The following CRELD1 variants were observed in gnomAD, a reference collection of about 807,000 sequenced individuals.
The protein encoded by CRELD1 is protein disulfide isomerase CRELD1.
In CRELD1, 42 loss-of-function variants were observed where a neutral mutation model predicts 58.2. The observed-to-expected ratio is 0.72, with a 90% CI of 0.56 to 0.93. The LOEUF (loss-of-function observed/expected upper bound fraction) is 0.93. CRELD1 is among the 40% of genes least tolerant of loss of function. The pLI is 0.00. For synonymous variants in CRELD1, 222 were observed against 202.0 expected (o/e 1.10, Z -0.84); for missense variants, 500 against 540.6 (o/e 0.92, Z 0.74).
At position 9,941,654 on chromosome 3, in the gene CRELD1, G is replaced by A. The variant is rs1365234405; in HGVS notation, c.733+448G>A. On this transcript the variant is annotated intron_variant, in intron 7 of 10. Coordinates refer to ENST00000452070, the MANE Select transcript of CRELD1 (RefSeq NM_001077415.3). ...AAATACAAAAAATTAGCTGGGCGTGGTGGCGGGTGCCTGTAGTCCCAGCTA... is the reference window on the plus strand; with the variant it reads ...AAATACAAAAAATTAGCTGGGCGTGATGGCGGGTGCCTGTAGTCCCAGCTA... Among the ~76,000 whole-genome samples, 3 of 152,106 alleles carry A rather than the reference G, an allele frequency of 2.0e-5. No homozygotes were observed. In the East Asian group the frequency reaches 5.8e-4, roughly 29 times the overall value.
rs529411477 is a variant in CRELD1, at chr3:9,939,998, C to T, written c.461-852C>T. On this transcript the variant is annotated intron_variant, in intron 5 of 10. Transcript: ENST00000452070. Reference sequence around the variant, plus strand: ...ACCTCCCTCCCGGACGGGCTGGCTGCCCGGCGGAGACACTTCTCACTTCCC... The same window carrying T: ...ACCTCCCTCCCGGACGGGCTGGCTGTCCGGCGGAGACACTTCTCACTTCCC... Among the ~76,000 whole-genome samples the T allele has an allele frequency of 7.5e-4, 114 of 151,700 alleles. 1 individual carries two copies. Among genetic ancestry groups the T allele is most frequent in the Non-Finnish European group, 1.2e-4 (8 of 67,934 alleles).
chr3:9,938,764 G>T (rs2085265956), intron 5 of CRELD1, among the ~76,000 whole-genome samples: 1 of 152,098 alleles, frequency 6.6e-6, no homozygotes, highest in African/African-American at 2.4e-5. Flanking sequence ...GGAGGCTGAG[G>T]CAGAAGAATG....
chr3:9,939,860 A>G (rs1307056278), intron 5 of CRELD1, among the ~76,000 whole-genome samples: 5 of 152,248 alleles, frequency 3.3e-5, no homozygotes, highest in African/African-American at 4.8e-5. Context: ...CACCTCCCAG[A>G]CGGGGTGGTG....
At chr3:9,943,031 G>A (rs2085410973) in intron 8 of CRELD1, 46 bp from the exon 9 acceptor site, 1 of 1,589,134 alleles carries the variant, frequency 6.3e-7, no homozygotes. Context: ...TGGCTCCCCT[G>A]GGCCTAGGTG....
chr3:9,941,062 A>G, intron 6 of CRELD1, 36 bp downstream of exon 6: 1 of 1,613,830 alleles, frequency 6.2e-7, no homozygotes, highest in Non-Finnish European at 8.5e-7. Context: ...GGGCAGGGGC[A>G]GATGGGGCAC....
chr3:9,937,299 A>T (rs769894648), intron 3 of CRELD1, among the ~76,000 whole-genome samples: 1 of 152,220 alleles, frequency 6.6e-6, no homozygotes, highest in Non-Finnish European at 1.5e-5. Context: ...ATGTTACAAC[A>T]AACCTGCAGG....
intron 7 of CRELD1, among the ~76,000 whole-genome samples, chr3:9,942,275 A>G (rs552380856): frequency 5.3e-5 from 8 of 152,148 alleles, no homozygotes; most frequent in Non-Finnish European, 2.9e-5. Flanking sequence ...CCATCTCAAA[A>G]AAAAAAAAAA....
intron 3 of CRELD1, 50 bp from the exon 4 acceptor site, chr3:9,937,512 G>C (rs1390330860): frequency 1.2e-5 from 14 of 1,203,810 alleles, no homozygotes; most frequent in Non-Finnish European, 1.6e-5. Flanking sequence ...TGAGGAGGGT[G>C]GTGGGTGGGG....
At chr3:9,941,789 C>CAAAAAAA in intron 7 of CRELD1, among the ~76,000 whole-genome samples, 1 of 20,626 alleles carries the variant, frequency 4.8e-5, no homozygotes, top group Non-Finnish European at 1.0e-4. Context: ...GACTCCATCT[C>CAAAAAAA]AAAAAAAAAA....
Position 9,945,370 on chromosome 3 carries a change from A to T in CRELD1, c.*791A>T, listed in dbSNP as rs1156934611. 6.6e-6 allele frequency: 1 copy of T among 152,428 alleles called. No individual in the cohort carries two copies. The highest frequency in any genetic ancestry group is 1.5e-5 in the Non-Finnish European group (1 of 68,170). The allele number at this position is 152,428 out of a possible 1,614,324, so 9.4% of individuals were successfully genotyped here. On this transcript the variant is annotated 3_prime_UTR_variant, in exon 11 of 11. Coordinates refer to ENST00000452070, the MANE Select transcript of CRELD1 (RefSeq NM_001077415.3). ...CTGGACAGTACACAACAGATATTCAATAAAAGTGTGGTCGCCATTATGACC... is the reference window on the plus strand; with the variant it reads ...CTGGACAGTACACAACAGATATTCATTAAAAGTGTGGTCGCCATTATGACC...
chr3:9,942,391 A>G (rs1025334817), intron 7 of CRELD1, among the ~76,000 whole-genome samples: 9 of 152,006 alleles, frequency 5.9e-5, no homozygotes, highest in African/African-American at 2.2e-4. Flanking sequence ...TCCAGTACCC[A>G]GATTATTCCT....
At chr3:9,938,200 G>A (rs975984863) in intron 5 of CRELD1, 94 bp downstream of exon 5, 1 of 993,376 alleles carries the variant, frequency 1.0e-6, no homozygotes, top group Non-Finnish European at 1.6e-6. Flanking sequence ...GTGAACTCAG[G>A]CTACTCAGAT....
rs2085350364 is a variant in CRELD1, at chr3:9,940,971, G to A, written c.582G>A (p.Gln194=). Residue 194 remains glutamine (Q), a synonymous_variant, in exon 6 of 11, where the codon CAG becomes CAA. Coordinates refer to ENST00000452070, the MANE Select transcript of CRELD1 (RefSeq NM_001077415.3). ...QAGYGGEACG[Q]CGLGYFEAER... ...GCTACGGGGGTGAGGCCTGTGGCCA[G>A]TGTGGCCTTGGCTACTTTGAGGCAG... 6.2e-7 allele frequency: 1 copy of A among 1,614,084 alleles called. No individual in the cohort carries two copies. Among genetic ancestry groups the A allele is most frequent in the South Asian group, 1.1e-5 (1 of 91,090 alleles).
In CRELD1 at chr3:9,940,789, ATAT is replaced by A. The variant is rs1005233253; in HGVS notation, c.461-57_461-55del. On this transcript the variant is annotated intron_variant, in intron 5 of 10. Coordinates refer to ENST00000452070, the MANE Select transcript of CRELD1 (RefSeq NM_001077415.3). ...GGAGAGGGAGAGGGAGAGGGAGAAA[ATAT>A]TATCTTGTATATCAAGGTTGTATAG... 8 of 1,273,586 alleles carry A rather than the reference ATAT, an allele frequency of 6.3e-6. No individual in the cohort carries two copies. The African/African-American group carries it at 7.3e-5, about 12-fold the overall frequency. 78.9% of individuals were successfully genotyped at this position (1,273,586 alleles called of 1,614,324 possible). A position where few individuals can be genotyped will look rare whatever the true frequency, so the allele number is the denominator to read the frequency against.
chr3:9,939,872 C>A (rs1356826898), intron 5 of CRELD1, among the ~76,000 whole-genome samples: 3 of 152,172 alleles, frequency 2.0e-5, no homozygotes, highest in African/African-American at 7.2e-5. Flanking sequence ...GGGGTGGTGG[C>A]CGGGCAGAGG....
At chr3:9,937,784 G>A (rs1190632316) in intron 4 of CRELD1, 112 bp downstream of exon 4, 1 of 844,118 alleles carries the variant, frequency 1.2e-6, no homozygotes. Flanking sequence ...TCCTGGTTGT[G>A]CTCCTTCCAA....
rs1407871475 is a variant in CRELD1, at chr3:9,944,889, G to A, written c.*310G>A. 2 of 421,360 alleles carry A rather than the reference G, an allele frequency of 4.7e-6. No individual in the cohort carries two copies. Among genetic ancestry groups the A allele is most frequent in the Admixed American group, 3.5e-5 (1 of 28,272 alleles). 26.1% of individuals were successfully genotyped at this position (421,360 alleles called of 1,614,324 possible). On this transcript the variant is annotated 3_prime_UTR_variant, in exon 11 of 11. Coordinates refer to ENST00000452070, the MANE Select transcript of CRELD1 (RefSeq NM_001077415.3). ...TTTGGCCCCTGCTTAGGATTAGGTG[G>A]TCCTCACAGGGGTGGGGCCATCACA... is the stretch of plus-strand genomic sequence containing the variant.
chr3:9,941,955 A>G lies in CRELD1; in HGVS notation c.733+749A>G, dbSNP rs565209349. ...AGCTGCTGTAACAAAAATCCCCAAA[A>G]GACTGTGGCTTAAAGAGTATAGAGG... On this transcript the variant is annotated intron_variant, in intron 7 of 10. Coordinates refer to ENST00000452070, the MANE Select transcript of CRELD1 (RefSeq NM_001077415.3). 2.0e-5 allele frequency among the ~76,000 whole-genome samples: 3 copies of G among 152,098 alleles called. No individual in the cohort carries two copies. In the South Asian group the frequency reaches 6.2e-4, roughly 32 times the overall value.
At chr3:9,941,373 C>T (rs1455081359) in intron 7 of CRELD1, among the ~76,000 whole-genome samples, 167 bp downstream of exon 7, 2 of 151,654 alleles carry the variant, frequency 1.3e-5, no homozygotes, top group East Asian at 3.9e-4. Context: ...GTCCAGTACA[C>T]AGGTACTGTG....
Sources: gnomAD v4.1 joint callset for allele counts (sites outside exome capture counted in the v4.1 genomes callset) on GRCh38, gnomAD v4.1.1 for gene constraint, MANE v1.5 for transcripts, NCBI Gene and HGNC (gene_info 2026-07-23, HGNC 2026-07-21) for gene names.